Variants in SND1 observed in about 807,000 individuals in gnomAD.
SND1 encodes staphylococcal nuclease domain-containing protein 1.
In SND1, 38 loss-of-function variants were observed where a neutral mutation model predicts 121.7. The ratio of observed to expected loss-of-function variants is 0.31; its 90% confidence interval spans 0.24 to 0.41. The LOEUF is 0.41. Among genes scored for constraint, SND1 ranks in the 10% least tolerant of loss-of-function variants. The probability of loss-of-function intolerance (pLI) is 1.00; values close to 1 mark genes in which losing one functional copy is unlikely to be tolerated. For missense variants in SND1, 868 were observed against 1,184.6 expected, an observed-to-expected ratio of 0.73 and a Z score of 3.92; for synonymous variants, 401 against 447.4, an observed-to-expected ratio of 0.90 and a Z score of 1.31.
chr7:128,020,200 T>C (rs955635024), intron 16 of SND1, among the ~76,000 whole-genome samples: 1 of 152,240 alleles, frequency 6.6e-6, no homozygotes, highest in African/African-American at 2.4e-5. Flanking sequence ...TCTTCCTGTT[T>C]GAATGAAATC....
At position 127,929,286 on chromosome 7, in the gene SND1, C is replaced by CT. The variant is rs769613187; in HGVS notation, c.1627dup (p.Tyr543LeufsTer17). ...TCTTCAGTGGTTCTCGTCTCAAACT[C>CT]TATTTGCCAAAGGAAACTTGCCTTA... On this transcript the variant is annotated frameshift_variant, in exon 15 of 24. Coordinates refer to ENST00000354725, the MANE Select transcript of SND1 (RefSeq NM_014390.4). LOFTEE classifies it high-confidence loss of function. 1 of 1,614,070 alleles carries CT rather than the reference C, an allele frequency of 6.2e-7. No homozygotes were observed. The highest frequency in any genetic ancestry group is 8.5e-7 in the Non-Finnish European group (1 of 1,179,954).
intron 10 of SND1, among the ~76,000 whole-genome samples, chr7:127,796,732 G>C (rs1255081978): frequency 9.2e-5 from 14 of 152,104 alleles, no homozygotes; most frequent in Non-Finnish European, 1.5e-4. Context: ...TTTTCTCACG[G>C]AGTTTATATT....
At chr7:127,726,446 A>G (rs1390446243) in intron 10 of SND1, among the ~76,000 whole-genome samples, 1 of 152,230 alleles carries the variant, frequency 6.6e-6, no homozygotes, top group Non-Finnish European at 1.5e-5. Flanking sequence ...GAACCTGGCC[A>G]TGTATCAGGG....
rs763495501 is a variant in SND1 at position 127,704,877 on chromosome 7, C to T, written c.879C>T (p.Phe293=). The change falls in exon 8 of 24, where the codon TTC becomes TTT. Residue 293 remains phenylalanine (F), a synonymous_variant. Transcript: ENST00000354725. The part of the protein sequence containing the change: ...NITELLLKEG[F]ARCVDWSIAV... ...CAGAGCTCCTCCTGAAGGAAGGTTT[C>T]GCACGCTGTGTGGACTGGTCGATTG... 39 of 1,613,924 alleles carry T rather than the reference C, an allele frequency of 2.4e-5. No homozygotes were observed. The highest frequency in any genetic ancestry group is 3.3e-5 in the South Asian group (3 of 91,072).
chr7:128,027,694 G>A (rs1367372019), intron 16 of SND1: 1 of 152,154 alleles, frequency 6.6e-6, no homozygotes, highest in Non-Finnish European at 1.5e-5. Flanking sequence ...ATCATAAAAT[G>A]CCATCATTGT....
At chr7:127,762,794 G>C (rs1797329036) in intron 10 of SND1, among the ~76,000 whole-genome samples, 1 of 152,200 alleles carries the variant, frequency 6.6e-6, no homozygotes, top group Non-Finnish European at 1.5e-5. Context: ...GTTAGTAGCT[G>C]TTACAGGTTT....
chr7:127,982,634 T>C (rs1439472203), intron 15 of SND1, among the ~76,000 whole-genome samples: 2 of 152,258 alleles, frequency 1.3e-5, no homozygotes, highest in African/African-American at 2.4e-5. Flanking sequence ...TAGTACAAAC[T>C]GTAGCCTCAT....
chr7:127,923,454 G>T (rs1451583854), intron 14 of SND1, among the ~76,000 whole-genome samples: 2 of 152,132 alleles, frequency 1.3e-5, no homozygotes, highest in Non-Finnish European at 2.9e-5. Flanking sequence ...TTGATAACCA[G>T]CCAGGGAAGA....
intron 15 of SND1, among the ~76,000 whole-genome samples, chr7:127,947,617 A>G (rs1801357057): frequency 1.3e-5 from 2 of 152,210 alleles, no homozygotes; most frequent in African/African-American, 4.8e-5. Flanking sequence ...ACGGATGGCA[A>G]CTAGTACCTG....
chr7:127,792,234 C>G (rs1055627859), intron 10 of SND1, among the ~76,000 whole-genome samples: 4 of 152,084 alleles, frequency 2.6e-5, no homozygotes, highest in Non-Finnish European at 4.4e-5. Context: ...CATATCTGCA[C>G]AGTGGAGGTG....
chr7:127,867,245 G>T (rs1248845078), intron 12 of SND1, among the ~76,000 whole-genome samples: 1 of 152,046 alleles, frequency 6.6e-6, no homozygotes, highest in Non-Finnish European at 1.5e-5. Flanking sequence ...TGACCTCTCT[G>T]GAGTATTTAA....
chr7:128,028,914 G>T, intron 16 of SND1: 1 of 1,612,734 alleles, frequency 6.2e-7, no homozygotes, highest in Non-Finnish European at 8.5e-7. Context: ...TGTTGCTGCT[G>T]GGATGTCTTC....
At chr7:127,671,976 A>G (rs1353648098) in intron 1 of SND1, among the ~76,000 whole-genome samples, 1 of 152,264 alleles carries the variant, frequency 6.6e-6, no homozygotes, top group Admixed American at 6.5e-5. Context: ...AGCTGAAACA[A>G]GAAGGCAGAG....
chr7:127,922,198 T>TTTTTTTTTTTTTTTTGTTTTTG (rs1800731864), intron 14 of SND1, among the ~76,000 whole-genome samples: 1 of 126,872 alleles, frequency 7.9e-6, no homozygotes, highest in African/African-American at 3.0e-5. Context: ...TTTTTTTTTT[T>TTTTTTTTTTTTTTTTGTTTTTG]TTTTTGTTTT....
intron 15 of SND1, among the ~76,000 whole-genome samples, chr7:127,960,163 GGCCA>G (rs1801697906): frequency 1.3e-5 from 2 of 152,130 alleles, no homozygotes; most frequent in African/African-American, 4.8e-5. Flanking sequence ...ACAATATCTA[GGCCA>G]ATATTATCAT....
At chr7:127,873,072 A>G (rs1799627754) in intron 12 of SND1, among the ~76,000 whole-genome samples, 1 of 152,122 alleles carries the variant, frequency 6.6e-6, no homozygotes, top group Non-Finnish European at 1.5e-5. Flanking sequence ...CCACCCTTTA[A>G]TATGCCGTTC....
chr7:127,842,354 T>A (rs753410296), intron 11 of SND1, among the ~76,000 whole-genome samples: 8 of 152,228 alleles, frequency 5.3e-5, no homozygotes, highest in Non-Finnish European at 8.8e-5. Flanking sequence ...ACTTGCCCTA[T>A]ATGTTTGCTA....
At chr7:127,864,384 TG>T (rs2116688540) in intron 12 of SND1, among the ~76,000 whole-genome samples, 1 of 152,116 alleles carries the variant, frequency 6.6e-6, no homozygotes, top group South Asian at 2.1e-4. Context: ...TCACCACTTC[TG>T]TTTGGTGACA....
chr7:127,842,567 G>C (rs1798984047), intron 11 of SND1, among the ~76,000 whole-genome samples: 2 of 152,178 alleles, frequency 1.3e-5, no homozygotes, highest in South Asian at 4.1e-4. Flanking sequence ...TAACTCTCAA[G>C]TATGTTGGTG....
Sources: allele counts gnomAD v4.1 joint callset (sites outside exome capture counted in the v4.1 genomes callset), GRCh38; gene constraint gnomAD v4.1.1; transcripts MANE v1.5; gene names NCBI Gene and HGNC (gene_info 2026-07-23, HGNC 2026-07-21).